COL15A1: variants seen among roughly 807,000 people sequenced by gnomAD.
COL15A1 encodes collagen type XV alpha 1 chain, also known as collagen alpha-1(XV) chain.
Under a neutral mutation model 165.9 loss-of-function variants are expected in COL15A1, and 111 were observed. The observed-to-expected ratio is 0.67, with a 90% CI of 0.57 to 0.78. The LOEUF is 0.78. Among genes scored for constraint, COL15A1 ranks in the 30% least tolerant of loss-of-function variants. The pLI, the probability that COL15A1 is intolerant of heterozygous loss-of-function variation, is 0.00. For synonymous variants in COL15A1, 659 were observed against 674.8 expected, an observed-to-expected ratio of 0.98 and a Z score of 0.36; for missense variants, 1,745 against 1,789.7, an observed-to-expected ratio of 0.98 and a Z score of 0.45.
chr9:98,993,773 C>A (rs536143890), intron 5 of COL15A1, among the ~76,000 whole-genome samples: 1 of 152,254 alleles, frequency 6.6e-6, no homozygotes, highest in South Asian at 2.1e-4. Flanking sequence ...CGGCAGCCAC[C>A]CTCTAGGACG....
At chr9:99,035,468 T>C in intron 19 of COL15A1, 50 bp downstream of exon 19, 2 of 1,601,170 alleles carry the variant, frequency 1.2e-6, no homozygotes, top group Non-Finnish European at 1.7e-6. Context: ...ACTGTCACAC[T>C]ACAGTGAGGA....
At chr9:98,969,311 GTCTATTATC>G (rs1395420096) in intron 2 of COL15A1, among the ~76,000 whole-genome samples, 1 of 152,218 alleles carries the variant, frequency 6.6e-6, no homozygotes, top group East Asian at 1.9e-4. Context: ...AGTGTTTTAT[GTCTATTATC>G]TCAGGTCATT....
rs745889978 is a variant in COL15A1, at chr9:99,066,876, T to G, written c.3652-6T>G. The G allele has an allele frequency of 3.1e-6, 5 of 1,610,606 alleles. No homozygotes were observed. Among genetic ancestry groups the G allele is most frequent in the Non-Finnish European group, 4.2e-6 (5 of 1,178,448 alleles). ...TGACTGCTCTCTTTTGTCTCACATT[T>G]TTCAGCTGCATTTGGCTGCTCTGAA... On this transcript the variant is annotated splice_polypyrimidine_tract_variant and splice_region_variant and intron_variant, in intron 39 of 41. Transcript: ENST00000375001.
intron 14 of COL15A1, among the ~76,000 whole-genome samples, 154 bp downstream of exon 14, chr9:99,023,603 G>C (rs1363357282): frequency 6.6e-6 from 1 of 152,202 alleles, no homozygotes; most frequent in Non-Finnish European, 1.5e-5. Flanking sequence ...ACTTTTCCTT[G>C]TGCTTGTATA....
At chr9:99,007,338 T>TA (rs1838779781) in intron 9 of COL15A1, among the ~76,000 whole-genome samples, 1 of 152,250 alleles carries the variant, frequency 6.6e-6, no homozygotes, top group South Asian at 2.1e-4. Flanking sequence ...CGTTTTGCCC[T>TA]AAGCAATTTC....
In COL15A1 at chr9:98,985,956, C is replaced by T. The variant is rs762264972; in HGVS notation, c.492C>T (p.Phe164=). The change falls in exon 3 of 42, where the codon TTC becomes TTT. Residue 164 remains phenylalanine, a synonymous_variant. Coordinates refer to ENST00000375001, the MANE Select transcript of COL15A1 (RefSeq NM_001855.5). ...TGATGACCCACAGGTGGAACCGCTT[C>T]GCCATGATTGTCCAGGGTGAGGAAG... ...VPVMTHRWNR[F]AMIVQGEEVT... 7 of 1,614,102 alleles carry T rather than the reference C, an allele frequency of 4.3e-6. No individual in the cohort carries two copies. In the South Asian group the frequency reaches 5.5e-5, roughly 13 times the overall value.
At chr9:99,034,886 G>GA in intron 17 of COL15A1, 128 bp from the exon 18 acceptor site, 3 of 919,528 alleles carry the variant, frequency 3.3e-6, no homozygotes, top group Non-Finnish European at 1.7e-6. Context: ...GTACCATTAA[G>GA]TGGTACCGAT....
At chr9:99,063,186 C>T in intron 39 of COL15A1, 77 bp downstream of exon 39, 2 of 1,408,764 alleles carry the variant, frequency 1.4e-6, no homozygotes, top group South Asian at 3.1e-5. Context: ...GCTTAGTACA[C>T]AGTTCCTACC....
intron 16 of COL15A1, among the ~76,000 whole-genome samples, chr9:99,027,346 T>C (rs1440456912): frequency 6.6e-6 from 1 of 152,250 alleles, no homozygotes; most frequent in East Asian, 1.9e-4. Flanking sequence ...ATTTCTAGTT[T>C]CCGTCAGCTC....
chr9:98,989,102 T>G, intron 4 of COL15A1, 76 bp from the exon 5 acceptor site: 1 of 1,138,010 alleles, frequency 8.8e-7, no homozygotes, highest in Non-Finnish European at 1.3e-6. Flanking sequence ...TCAGTTTCTG[T>G]AACTTTCCCA....
intron 2 of COL15A1, among the ~76,000 whole-genome samples, chr9:98,946,621 G>A (rs756222355): frequency 6.6e-6 from 1 of 152,224 alleles, no homozygotes; most frequent in Non-Finnish European, 1.5e-5. Flanking sequence ...TCTCACGTCT[G>A]TGAACTTCTG....
At chr9:99,005,733 C>T (rs1042836464) in intron 9 of COL15A1, among the ~76,000 whole-genome samples, 1 of 152,206 alleles carries the variant, frequency 6.6e-6, no homozygotes, top group African/African-American at 2.4e-5. Flanking sequence ...CATCATGAAT[C>T]GCCGGCTCTG....
At chr9:98,948,035 T>C (rs973850146) in intron 2 of COL15A1, among the ~76,000 whole-genome samples, 11 of 152,138 alleles carry the variant, frequency 7.2e-5, no homozygotes, top group Non-Finnish European at 1.3e-4. Flanking sequence ...ATTTAAAATG[T>C]TGGGAAACAA....
chr9:99,042,642 G>A (rs35413276), intron 24 of COL15A1, among the ~76,000 whole-genome samples: 17,314 of 152,238 alleles, frequency 0.11, 1,116 homozygotes, highest in South Asian at 0.2. Context: ...ACGAAAGCAT[G>A]TATAATTAAT....
intron 11 of COL15A1, among the ~76,000 whole-genome samples, chr9:99,017,619 G>C (rs566344086): frequency 1.3e-5 from 2 of 152,172 alleles, no homozygotes; most frequent in Non-Finnish European, 2.9e-5. Context: ...TGAGACACTG[G>C]GGCTGGGGCT....
At chr9:99,005,177 T>G in intron 9 of COL15A1, 127 bp downstream of exon 9, 1 of 986,898 alleles carries the variant, frequency 1.0e-6, no homozygotes, top group Non-Finnish European at 1.5e-6. Context: ...GACCAAATAC[T>G]CACTTGGGGG....
Position 99,070,434 on chromosome 9 carries a change from C to T in COL15A1, c.*548C>T. 2.1e-5 allele frequency: 6 copies of T among 281,172 alleles called. No homozygotes were observed. Among genetic ancestry groups the T allele is most frequent in the South Asian group, 3.0e-5 (1 of 33,100 alleles). The allele number at this position is 281,172 out of a possible 1,614,324, so 17.4% of individuals were successfully genotyped here. A position where few individuals can be genotyped will look rare whatever the true frequency, so the allele number is the denominator to read the frequency against. On this transcript the variant is annotated 3_prime_UTR_variant, in exon 42 of 42. Coordinates refer to ENST00000375001, the MANE Select transcript of COL15A1 (RefSeq NM_001855.5). ...CTATCAGACTCTAATGTTTTTTTCC[C>T]TAAAATATTATTGCCATCATGCTTT...
intron 36 of COL15A1, among the ~76,000 whole-genome samples, chr9:99,060,429 ATTTTTTT>A (rs36003230): frequency 7.7e-6 from 1 of 129,604 alleles, no homozygotes; most frequent in Non-Finnish European, 1.6e-5. Flanking sequence ...CACCTGGCTA[ATTTTTTT>A]TTTTTTTTTT....
intron 15 of COL15A1, 27 bp downstream of exon 15, chr9:99,025,026 C>T (rs779196656): frequency 6.2e-7 from 1 of 1,607,402 alleles, no homozygotes; most frequent in South Asian, 1.1e-5. Flanking sequence ...TTCTCCCCAT[C>T]TCTGTGGCTG....
Sources: gnomAD v4.1 joint callset for allele counts (sites outside exome capture counted in the v4.1 genomes callset) on GRCh38, gnomAD v4.1.1 for gene constraint, MANE v1.5 for transcripts, NCBI Gene and HGNC (gene_info 2026-07-23, HGNC 2026-07-21) for gene names.